RERE: variants seen among roughly 807,000 people sequenced by gnomAD.
The protein encoded by RERE is arginine-glutamic acid dipeptide repeats.
In RERE, 40 loss-of-function variants were observed where a neutral mutation model predicts 146.1. The observed-to-expected ratio is 0.27, with a 90% CI of 0.21 to 0.36. The LOEUF is 0.36. Among genes scored for constraint, RERE ranks in the 10% least tolerant of loss-of-function variants. RERE has a pLI of 1.00. For synonymous variants in RERE, 1,003 were observed against 866.0 expected (o/e 1.16, Z -2.78); for missense variants, 1,933 against 2,138.7 (o/e 0.90, Z 1.90).
chr1:8,553,253 A>C (rs1251472255), intron 6 of RERE, among the ~76,000 whole-genome samples: 1 of 149,760 alleles, frequency 6.7e-6, no homozygotes, highest in Non-Finnish European at 1.5e-5. Context: ...CATATGAGAC[A>C]CTGCACCATT....
At chr1:8,785,499 A>G (rs1641243717) in intron 1 of RERE, among the ~76,000 whole-genome samples, 1 of 152,248 alleles carries the variant, frequency 6.6e-6, no homozygotes, top group African/African-American at 2.4e-5. Context: ...TTCACAATGC[A>G]ACCAAGTCCT....
intron 10 of RERE, among the ~76,000 whole-genome samples, chr1:8,486,087 C>T (rs1189177044): frequency 2.0e-5 from 3 of 152,090 alleles, no homozygotes; most frequent in East Asian, 1.9e-4. Flanking sequence ...CGTAAGCCAC[C>T]GCGCCTGGCC....
At chr1:8,395,261 G>C (rs530934391) in intron 12 of RERE, among the ~76,000 whole-genome samples, 49 of 152,186 alleles carry the variant, frequency 3.2e-4, no homozygotes, top group Admixed American at 9.8e-4. Context: ...GGATCACAAG[G>C]TCAGGAGTTC....
At chr1:8,774,958 T>C (rs75086563) in intron 1 of RERE, among the ~76,000 whole-genome samples, 1 of 128,242 alleles carries the variant, frequency 7.8e-6, no homozygotes, top group South Asian at 2.7e-4. Flanking sequence ...TTTCTTTTTT[T>C]TTTTTTTTTT....
At chr1:8,677,056 C>T (rs1440791895) in intron 1 of RERE, among the ~76,000 whole-genome samples, 1 of 152,180 alleles carries the variant, frequency 6.6e-6, no homozygotes, top group Non-Finnish European at 1.5e-5. Flanking sequence ...CACCCTTTCA[C>T]CTTTGCTCAT....
intron 2 of RERE, among the ~76,000 whole-genome samples, chr1:8,628,308 T>G (rs1229628848): frequency 6.6e-6 from 1 of 152,122 alleles, no homozygotes. Flanking sequence ...AAAAAAACTT[T>G]ACATACATAG....
intron 10 of RERE, among the ~76,000 whole-genome samples, chr1:8,493,265 C>A (rs916900763): frequency 6.6e-6 from 1 of 152,160 alleles, no homozygotes; most frequent in African/African-American, 2.4e-5. Flanking sequence ...GTAAAATAAT[C>A]TTAAAGGCCC....
At chr1:8,601,736 A>AAAACACAC in intron 4 of RERE, among the ~76,000 whole-genome samples, 1 of 140,902 alleles carries the variant, frequency 7.1e-6, no homozygotes, top group South Asian at 2.4e-4. Flanking sequence ...GTCCAAGGTC[A>AAAACACAC]ACACACACAC....
At chr1:8,707,884 T>C (rs980468191) in intron 1 of RERE, among the ~76,000 whole-genome samples, 3 of 152,204 alleles carry the variant, frequency 2.0e-5, no homozygotes, top group Admixed American at 1.3e-4. Context: ...AGTTCAAAAA[T>C]AGGTGACTAA....
At chr1:8,802,575 C>T (rs1443290017) in intron 1 of RERE, among the ~76,000 whole-genome samples, 1 of 152,158 alleles carries the variant, frequency 6.6e-6, no homozygotes, top group African/African-American at 2.4e-5. Context: ...AACTCCTACA[C>T]CAAATCTTCC....
rs1330715065 is a variant in RERE at position 8,656,000 on chromosome 1, C to A, written c.298G>T (p.Glu100Ter). ...DTGEITSYIT[E>*]DDVVYRPGDC... ...CCTGGTCTGTAGACCACATCATCTT[C>A]AGTGATGTAGGATGTTATCTCACCG... Residue 100 changes from glutamate (E) to a stop codon, truncating the protein, a stop_gained, in exon 2 of 23, where the codon GAA (glutamate) becomes TAA (stop). Transcript: ENST00000400908. LOFTEE classifies it high-confidence loss of function. 6.2e-7 allele frequency: 1 copy of A among 1,613,320 alleles called. No individual in the cohort carries two copies. Among genetic ancestry groups the A allele is most frequent in the Non-Finnish European group, 8.5e-7 (1 of 1,179,432 alleles).
In RERE at chr1:8,356,217, C is replaced by T. The variant is rs764757593; in HGVS notation, c.4369G>A (p.Asp1457Asn). 4.6e-6 allele frequency: 7 copies of T among 1,524,730 alleles called. No homozygotes were observed. The highest frequency in any genetic ancestry group is 2.7e-5 in the East Asian group (1 of 37,438). The allele number at this position is 1,524,730 out of a possible 1,614,324, so 94.5% of individuals were successfully genotyped here. The change falls in exon 21 of 23, where the codon GAC (aspartate) becomes AAC (asparagine). Residue 1457 changes from aspartate (D) to asparagine (N), a missense_variant. Transcript: ENST00000400908. The surrounding 1 kb of genome is among the most constrained non-coding windows in gnomAD (Gnocchi z 5.2). ...GSAGPVHPLV[D>N]PLTAGPHLAR... is the part of the protein sequence containing the mutation. ...AGGTGGGGACCGGCAGTCAGGGGGT[C>T]GACCAGCGGGTGAACGGGGCCTGCT...
chr1:8,447,202 T>A (rs1207452784), intron 11 of RERE, among the ~76,000 whole-genome samples: 4 of 151,990 alleles, frequency 2.6e-5, no homozygotes, highest in African/African-American at 9.7e-5. Flanking sequence ...TCTAACCTTT[T>A]TTCAAGGTTC....
At position 8,495,150 on chromosome 1, in the gene RERE, T is replaced by C; in HGVS notation, c.1017A>G (p.Ala339=). The stretch of plus-strand genomic sequence containing the variant: ...AGCCTCCATCACACATTCCTGCAAA[T>C]GCCGCCATGCTCCTTCAGAAGAAAA... ...MYLRAARSMA[A]FAGMCDGGST... Residue 339 remains alanine (A), a synonymous_variant, in exon 10 of 23, where the codon GCA becomes GCG. Coordinates refer to ENST00000400908, the MANE Select transcript of RERE (RefSeq NM_001042681.2). 6.2e-7 allele frequency: 1 copy of C among 1,613,592 alleles called. No homozygotes were observed. The highest frequency in any genetic ancestry group is 8.5e-7 in the Non-Finnish European group (1 of 1,179,562).
At chr1:8,506,283 C>T (rs1349490681) in intron 8 of RERE, among the ~76,000 whole-genome samples, 1 of 152,200 alleles carries the variant, frequency 6.6e-6, no homozygotes, top group Non-Finnish European at 1.5e-5. Flanking sequence ...ACAAAAGACT[C>T]TACTTGAACA....
intron 1 of RERE, among the ~76,000 whole-genome samples, chr1:8,762,267 G>A (rs138351149): frequency 6.6e-6 from 1 of 152,264 alleles, no homozygotes; most frequent in African/African-American, 2.4e-5. Context: ...TCACCCTACT[G>A]GAAGACAAGC....
At chr1:8,601,739 ACAC>A in intron 4 of RERE, among the ~76,000 whole-genome samples, 1 of 13,480 alleles carries the variant, frequency 7.4e-5, no homozygotes, top group Non-Finnish European at 1.3e-4. Flanking sequence ...CAAGGTCAAC[ACAC>A]ACACACACAC....
intron 12 of RERE, among the ~76,000 whole-genome samples, chr1:8,420,769 G>A (rs1643899431): frequency 6.6e-6 from 1 of 152,214 alleles, no homozygotes; most frequent in African/African-American, 2.4e-5. Context: ...CTACAGCGTG[G>A]GAAACTGTGA....
At chr1:8,522,307 T>C (rs1401321430) in intron 7 of RERE, among the ~76,000 whole-genome samples, 1 of 152,240 alleles carries the variant, frequency 6.6e-6, no homozygotes, top group African/African-American at 2.4e-5. Context: ...ACATTTATGT[T>C]ACAGTCTTAG....
Sources: allele counts gnomAD v4.1 joint callset (sites outside exome capture counted in the v4.1 genomes callset), GRCh38; gene constraint gnomAD v4.1.1; non-coding constraint Gnocchi (gnomAD v3.1); transcripts MANE v1.5; gene names NCBI Gene and HGNC (gene_info 2026-07-23, HGNC 2026-07-21).